Variants in PUS7 observed in about 807,000 individuals in gnomAD.
PUS7 encodes the protein pseudouridine synthase 7, also known as pseudouridylate synthase 7 homolog.
A neutral mutation model predicts 79.8 loss-of-function variants in PUS7; 48 were observed. That is an observed-to-expected ratio of 0.60 (90% CI 0.48 to 0.76). PUS7 has a LOEUF of 0.76. PUS7 is among the 30% of genes least tolerant of loss of function. The probability of loss-of-function intolerance (pLI) is 0.00; values close to 1 mark genes in which losing one functional copy is unlikely to be tolerated. For synonymous variants in PUS7, 286 were observed against 272.2 expected, an observed-to-expected ratio of 1.05 and a Z score of -0.50; for missense variants, 729 against 797.6, an observed-to-expected ratio of 0.91 and a Z score of 1.04.
chr7:105,506,054 G>A lies in PUS7; in HGVS notation c.486C>T (p.Asp162=). ...AAACTGTAAATATGTCTTCTGAAGG[G>A]TCCTTTAAAATAACCATGAGAACTC... ...NDLSIPVDEE[D]PSEDIFTVLT... is the part of the protein sequence containing the mutation. Residue 162 remains aspartate (D), a splice_region_variant and synonymous_variant, in exon 4 of 16, where the codon GAC becomes GAT. Coordinates refer to ENST00000469408, the MANE Select transcript of PUS7 (RefSeq NM_019042.5). 6.2e-7 allele frequency: 1 copy of A among 1,611,668 alleles called. No homozygotes were observed. The highest frequency in any genetic ancestry group is 8.5e-7 in the Non-Finnish European group (1 of 1,178,612).
chr7:105,516,277 T>A (rs1156905839), intron 1 of PUS7, among the ~76,000 whole-genome samples: 1 of 152,136 alleles, frequency 6.6e-6, no homozygotes. Context: ...ATAGTACCAA[T>A]GATTTTTAAA....
intron 5 of PUS7, 71 bp downstream of exon 5, chr7:105,502,349 C>G (rs1005455298): frequency 6.3e-7 from 1 of 1,575,404 alleles, no homozygotes; most frequent in Non-Finnish European, 8.7e-7. Context: ...CACGAACGGG[C>G]AAGGCTAACG....
chr7:105,468,475 GA>G lies in PUS7; in HGVS notation c.1399-13del, dbSNP rs1288131130. 3.8e-6 allele frequency: 6 copies of G among 1,561,798 alleles called. No individual in the cohort carries two copies. Among genetic ancestry groups the G allele is most frequent in the Admixed American group, 2.0e-5 (1 of 49,148 alleles). ...TTATTTCTGGGTATCTGGAGGGAAG[GA>G]AAAAAATAGGCAAGAAAACATATTC... On this transcript the variant is annotated splice_polypyrimidine_tract_variant and intron_variant, in intron 11 of 15. Coordinates refer to ENST00000469408, the MANE Select transcript of PUS7 (RefSeq NM_019042.5).
intron 1 of PUS7, among the ~76,000 whole-genome samples, chr7:105,510,093 G>A (rs958538022): frequency 1.1e-4 from 16 of 152,288 alleles, no homozygotes; most frequent in African/African-American, 3.8e-4. Flanking sequence ...CTGAGGTCGG[G>A]AGTTTGAGAC....
intron 6 of PUS7, among the ~76,000 whole-genome samples, chr7:105,492,303 A>C (rs1031952845): frequency 2.6e-5 from 4 of 151,556 alleles, no homozygotes; most frequent in Non-Finnish European, 5.9e-5. Context: ...AAAAACAAAA[A>C]AGGTAAATGA....
At chr7:105,485,949 C>T (rs1824530021) in intron 7 of PUS7, among the ~76,000 whole-genome samples, 1 of 151,948 alleles carries the variant, frequency 6.6e-6, no homozygotes, top group Non-Finnish European at 1.5e-5. Context: ...CATGCACCAC[C>T]ATGCCTGCCC....
rs767108810 is a variant in PUS7 at position 105,457,838 on chromosome 7, A to G, written c.1938T>C (p.Asp646=). ...TMAIREVLKM[D]TSIKNQTQLN... ...GCTGCGTCTGGTTCTTGATACTGGT[A>G]TCCATTTTTAGCACTTCTCGAATGG... Residue 646 remains aspartate (D), a synonymous_variant, in exon 16 of 16, where the codon GAT becomes GAC. Coordinates refer to ENST00000469408, the MANE Select transcript of PUS7 (RefSeq NM_019042.5). 12 of 1,614,060 alleles carry G rather than the reference A, an allele frequency of 7.4e-6. No homozygotes were observed. The highest frequency in any genetic ancestry group is 3.3e-5 in the Admixed American group (2 of 59,996).
At chr7:105,486,107 A>G (rs1824538445) in intron 7 of PUS7, among the ~76,000 whole-genome samples, 1 of 150,608 alleles carries the variant, frequency 6.6e-6, no homozygotes, top group African/African-American at 2.4e-5. Flanking sequence ...AGTGGAGTGC[A>G]CTAGTGTGAT....
intron 9 of PUS7, among the ~76,000 whole-genome samples, chr7:105,475,342 C>G (rs367744905): frequency 5.9e-5 from 9 of 152,114 alleles, no homozygotes; most frequent in Non-Finnish European, 1.3e-4. Flanking sequence ...CGCGCCACCA[C>G]GCCTGGCTAA....
intron 9 of PUS7, among the ~76,000 whole-genome samples, chr7:105,475,222 G>A (rs1284439068): frequency 6.6e-6 from 1 of 151,978 alleles, no homozygotes; most frequent in African/African-American, 2.4e-5. Context: ...GTCTCGCTCT[G>A]TCACCCAGGC....
intron 9 of PUS7, 76 bp from the exon 10 acceptor site, chr7:105,472,269 C>A: frequency 2.2e-6 from 2 of 888,964 alleles, no homozygotes; most frequent in South Asian, 2.9e-5. Flanking sequence ...TTTGAAGAGT[C>A]AACAAATCAT....
At chr7:105,483,327 T>C (rs1824407570) in intron 7 of PUS7, among the ~76,000 whole-genome samples, 1 of 152,102 alleles carries the variant, frequency 6.6e-6, no homozygotes. Flanking sequence ...CATGCCCGGC[T>C]AATTTTTTTT....
Position 105,491,561 on chromosome 7 carries a change from A to C in PUS7, c.899T>G (p.Val300Gly). 1 of 1,598,310 alleles carries C rather than the reference A, an allele frequency of 6.3e-7. No individual in the cohort carries two copies. The highest frequency in any genetic ancestry group is 1.3e-5 in the African/African-American group (1 of 74,660). ...TTACTTGAGAACAGCAATTTCTTGA[A>C]CTGTTATAGCCCTTTTATCTTTGGT... ...MGTKDKRAIT[V>G]QEIAVLKITA... The change falls in exon 7 of 16, where the codon GTT becomes GGT. Residue 300 changes from valine to glycine, a missense_variant. By Grantham distance (109) the Val-to-Gly change is moderately radical (BLOSUM62 -3). Transcript: ENST00000469408.
intron 6 of PUS7, among the ~76,000 whole-genome samples, chr7:105,492,375 A>C (rs1053917342): frequency 2.2e-4 from 33 of 151,644 alleles, no homozygotes; most frequent in African/African-American, 8.0e-4. Flanking sequence ...CCCAGGCTGG[A>C]GTGCAGCGGC....
intron 6 of PUS7, among the ~76,000 whole-genome samples, chr7:105,494,181 G>C (rs1824907900): frequency 6.6e-6 from 1 of 152,150 alleles, no homozygotes; most frequent in East Asian, 1.9e-4. Context: ...GATAAGTATA[G>C]GCTTTCAAAA....
chr7:105,518,153 A>C (rs1006591255), intron 1 of PUS7, among the ~76,000 whole-genome samples: 6 of 151,918 alleles, frequency 3.9e-5, no homozygotes, highest in African/African-American at 1.5e-4. Context: ...GTCTCAAAAA[A>C]TAAATAAAAA....
intron 6 of PUS7, among the ~76,000 whole-genome samples, chr7:105,494,687 T>C (rs1824933520): frequency 6.6e-6 from 1 of 151,778 alleles, no homozygotes. Context: ...GAATTACAGG[T>C]GTGAGCCACT....
chr7:105,482,887 T>C (rs1454201789), intron 7 of PUS7, among the ~76,000 whole-genome samples: 1 of 151,948 alleles, frequency 6.6e-6, no homozygotes, highest in African/African-American at 2.4e-5. Context: ...ACTTGGAAAA[T>C]ATAAAAAAGA....
At chr7:105,505,494 T>C (rs1825418306) in intron 4 of PUS7, among the ~76,000 whole-genome samples, 1 of 152,192 alleles carries the variant, frequency 6.6e-6, no homozygotes, top group African/African-American at 2.4e-5. Context: ...GTCACATACC[T>C]GACAGACAGC....
Sources: gnomAD v4.1 joint callset for allele counts (sites outside exome capture counted in the v4.1 genomes callset) on GRCh38, gnomAD v4.1.1 for gene constraint, MANE v1.5 for transcripts, NCBI Gene and HGNC (gene_info 2026-07-23, HGNC 2026-07-21) for gene names.